The following RERE variants were observed in gnomAD, a reference collection of about 807,000 sequenced individuals.
The protein encoded by RERE is arginine-glutamic acid dipeptide repeats.
Under a neutral mutation model 146.1 loss-of-function variants are expected in RERE, and 40 were observed. That is an observed-to-expected ratio of 0.27 (90% confidence interval 0.21 to 0.36). The LOEUF (loss-of-function observed/expected upper bound fraction) is 0.36. RERE is among the 10% of genes least tolerant of loss of function. The pLI is 1.00. For missense variants in RERE, 1,933 were observed against 2,138.7 expected, an observed-to-expected ratio of 0.90 and a Z score of 1.90; for synonymous variants, 1,003 against 866.0, an observed-to-expected ratio of 1.16 and a Z score of -2.78.
intron 1 of RERE, among the ~76,000 whole-genome samples, chr1:8,766,693 A>G (rs1439180752): frequency 1.3e-5 from 2 of 152,226 alleles, no homozygotes; most frequent in Non-Finnish European, 2.9e-5. Context: ...AGGAATCAAC[A>G]CAGCCCAGGG....
chr1:8,462,204 T>TA (rs1446169433), intron 11 of RERE, among the ~76,000 whole-genome samples: 1 of 152,222 alleles, frequency 6.6e-6, no homozygotes, highest in Non-Finnish European at 1.5e-5. Flanking sequence ...AAGAACTTTT[T>TA]AAAAGGATTA....
chr1:8,373,305 A>C (rs549632910), intron 12 of RERE, among the ~76,000 whole-genome samples: 8 of 152,244 alleles, frequency 5.3e-5, no homozygotes, highest in African/African-American at 1.9e-4. Context: ...AATTAGAGTC[A>C]GAATGTTGTT....
At chr1:8,612,053 A>G (rs924599134) in intron 4 of RERE, among the ~76,000 whole-genome samples, 10 of 152,204 alleles carry the variant, frequency 6.6e-5, no homozygotes, top group African/African-American at 2.4e-4. Context: ...TACAAAATTA[A>G]ATCTGATGTT....
At chr1:8,361,665 T>C in intron 17 of RERE, 98 bp downstream of exon 17, 1 of 1,334,626 alleles carries the variant, frequency 7.5e-7, no homozygotes, top group Non-Finnish European at 1.1e-6. Flanking sequence ...AGCCCCACCC[T>C]AGGAGACAGG....
chr1:8,512,279 C>T (rs1446972546), intron 7 of RERE, among the ~76,000 whole-genome samples: 7 of 150,418 alleles, frequency 4.7e-5, no homozygotes, highest in Non-Finnish European at 1.5e-5. Context: ...ATGATCCACC[C>T]GCCTCGGCCT....
At position 8,656,414 on chromosome 1, in the gene RERE, C is replaced by T; in HGVS notation, c.-117G>A. ...CTCAATTCCAGGGAAAATCCAACCA[C>T]TCCAACAACCCCAACGTTTCAAAAA... On this transcript the variant is annotated 5_prime_UTR_variant, in exon 2 of 23. It adds an upstream start codon to the 5' untranslated region. Transcript: ENST00000400908. 1.5e-6 allele frequency: 2 copies of T among 1,335,380 alleles called. No homozygotes were observed. The highest frequency in any genetic ancestry group is 2.0e-6 in the Non-Finnish European group (2 of 979,308). The allele number at this position is 1,335,380 out of a possible 1,614,324, so 82.7% of individuals were successfully genotyped here.
At chr1:8,702,971 C>T (rs1639485553) in intron 1 of RERE, 1 of 152,152 alleles carries the variant, frequency 6.6e-6, no homozygotes, top group South Asian at 2.1e-4. Context: ...CGTGCACCCA[C>T]CCCGAGCCCC....
chr1:8,447,661 C>T (rs1001032109), intron 11 of RERE, among the ~76,000 whole-genome samples: 2 of 152,176 alleles, frequency 1.3e-5, no homozygotes, highest in Non-Finnish European at 2.9e-5. Context: ...CCTGAGGAAC[C>T]CCACTTTTAT....
At chr1:8,708,477 G>A (rs534935629) in intron 1 of RERE, among the ~76,000 whole-genome samples, 41 of 152,094 alleles carry the variant, frequency 2.7e-4, no homozygotes, top group African/African-American at 8.2e-4. Context: ...ACAGGTGTGT[G>A]CCACCACACC....
intron 12 of RERE, among the ~76,000 whole-genome samples, chr1:8,401,035 AAC>A (rs1420547750): frequency 0.013 from 412 of 32,690 alleles, 5 homozygotes; most frequent in African/African-American, 0.04. Context: ...AAAAAAAAAA[AAC>A]CATATATATA....
Position 8,575,564 on chromosome 1 carries a change from T to A in RERE, c.523-18041A>T, listed in dbSNP as rs1378058836. Among the ~76,000 whole-genome samples, 524 of 86,954 alleles carry A rather than the reference T, an allele frequency of 6.0e-3. 1 individual carries two copies. The highest frequency in any genetic ancestry group is 0.027 in the East Asian group (32 of 1,192). 57.0% of individuals were successfully genotyped at this position (86,954 alleles called of 152,430 possible). A position where few individuals can be genotyped will look rare whatever the true frequency, so the allele number is the denominator to read the frequency against. On this transcript the variant is annotated intron_variant, in intron 4 of 22. Transcript: ENST00000400908. ...ATATATATATATATATATATATATT[T>A]TTTTTTTTTTTGGCAGAGACAGTGT...
chr1:8,419,730 C>T (rs900772690), intron 12 of RERE, among the ~76,000 whole-genome samples: 2 of 152,138 alleles, frequency 1.3e-5, no homozygotes, highest in Admixed American at 6.5e-5. Flanking sequence ...TAGGAATTAT[C>T]ACCCCATTTT....
chr1:8,539,570 T>C (rs540374378), intron 7 of RERE, among the ~76,000 whole-genome samples: 3 of 152,224 alleles, frequency 2.0e-5, no homozygotes, highest in Admixed American at 1.3e-4. Context: ...CATGCCCAGC[T>C]AATTTTTGTA....
intron 1 of RERE, among the ~76,000 whole-genome samples, chr1:8,765,843 C>G (rs1433445753): frequency 2.0e-5 from 3 of 152,106 alleles, no homozygotes; most frequent in African/African-American, 4.8e-5. Context: ...TCCCGGCTAC[C>G]CGGGAGGCTG....
At chr1:8,784,139 T>A (rs1229683245) in intron 1 of RERE, among the ~76,000 whole-genome samples, 1 of 152,204 alleles carries the variant, frequency 6.6e-6, no homozygotes, top group African/African-American at 2.4e-5. Flanking sequence ...CACCACGCTG[T>A]CTTCCTTGTG....
intron 10 of RERE, among the ~76,000 whole-genome samples, chr1:8,476,213 C>T (rs942284607): frequency 6.6e-6 from 1 of 152,104 alleles, no homozygotes; most frequent in African/African-American, 2.4e-5. Context: ...TCTTCCACAG[C>T]CAGAGTACTA....
At chr1:8,749,215 C>T (rs1557519490) in intron 1 of RERE, among the ~76,000 whole-genome samples, 1 of 152,172 alleles carries the variant, frequency 6.6e-6, no homozygotes, top group Non-Finnish European at 1.5e-5. Flanking sequence ...ATGCTAACAA[C>T]TTCACTATAA....
At chr1:8,517,692 T>C (rs759602437) in intron 7 of RERE, among the ~76,000 whole-genome samples, 7 of 152,178 alleles carry the variant, frequency 4.6e-5, no homozygotes, top group African/African-American at 1.4e-4. Flanking sequence ...CAGAAAGTCA[T>C]TGTATATGAA....
In RERE at chr1:8,774,730, ATAG is replaced by A. The variant is rs772530676; in HGVS notation, c.-145+42427_-145+42429del. Among the ~76,000 whole-genome samples, 324 of 142,950 alleles carry A rather than the reference ATAG, an allele frequency of 2.3e-3. 2 individuals are homozygous for A. Among genetic ancestry groups the A allele is most frequent in the Non-Finnish European group, 1.7e-3 (108 of 64,574 alleles). The allele number at this position is 142,950 out of a possible 152,430, so 93.8% of individuals were successfully genotyped here. ...ACCTAAAAGAATCAAACAAGAATTA[ATAG>A]TCTATTATACAGAATAAAACCATGT... On this transcript the variant is annotated intron_variant, in intron 1 of 22. Transcript: ENST00000400908.
Sources: allele counts gnomAD v4.1 joint callset (sites outside exome capture counted in the v4.1 genomes callset), GRCh38; gene constraint gnomAD v4.1.1; transcripts MANE v1.5; gene names NCBI Gene and HGNC (gene_info 2026-07-23, HGNC 2026-07-21).